Variants in THUMPD3 observed in about 807,000 individuals in gnomAD.
THUMPD3 encodes tRNA (guanine(6)-N(2))-methyltransferase THUMP3.
THUMPD3 carries 44 observed loss-of-function variants against 54.5 expected under a neutral mutation model. The observed-to-expected ratio is 0.81, with a 90% confidence interval of 0.63 to 1.04. The LOEUF (loss-of-function observed/expected upper bound fraction) is 1.04. THUMPD3 is among the 50% of genes least tolerant of loss of function. The pLI is 0.00. For synonymous variants in THUMPD3, 196 were observed against 201.4 expected (o/e 0.97, Z 0.23); for missense variants, 604 against 601.3 (o/e 1.00, Z -0.05).
At position 9,370,837 on chromosome 3, in the gene THUMPD3, T is replaced by C. The variant is rs2031976714; in HGVS notation, c.331-223T>C. On this transcript the variant is annotated intron_variant, in intron 3 of 9. Transcript: ENST00000452837. ...ATTGTATCAGGTATCATAGGTAAGA[T>C]AGAGATGATTTAAGTTACTCTTGAG... 2.6e-5 allele frequency among the ~76,000 whole-genome samples: 4 copies of C among 152,236 alleles called. No homozygotes were observed. The South Asian group carries it at 6.2e-4, about 24-fold the overall frequency.
In THUMPD3 at chr3:9,386,376, CCCCCCCA is replaced by C. The variant is rs1349039444; in HGVS notation, c.*1697_*1703del. On this transcript the variant is annotated 3_prime_UTR_variant, in exon 10 of 10. Coordinates refer to ENST00000452837, the MANE Select transcript of THUMPD3 (RefSeq NM_001114092.2). ...GTTTTCACCACGATGTCTTTCCCCA[CCCCCCCA>C]CCCCCCACTCCACCCCCCACTAAGG... 7.9e-6 allele frequency: 1 copy of C among 127,248 alleles called. No homozygotes were observed. Among genetic ancestry groups the C allele is most frequent in the African/African-American group, 2.8e-5 (1 of 35,266 alleles). 7.9% of individuals were successfully genotyped at this position (127,248 alleles called of 1,614,324 possible). A position where few individuals can be genotyped will look rare whatever the true frequency, so the allele number is the denominator to read the frequency against.
intron 3 of THUMPD3, among the ~76,000 whole-genome samples, chr3:9,369,038 A>G (rs2031803714): frequency 6.6e-6 from 1 of 152,030 alleles, no homozygotes. Flanking sequence ...TGGGTTGGGC[A>G]TGGTGGCTCA....
intron 1 of THUMPD3, among the ~76,000 whole-genome samples, chr3:9,364,657 T>A (rs533013725): frequency 6.6e-6 from 1 of 152,360 alleles, no homozygotes; most frequent in African/African-American, 2.4e-5. Context: ...AAGCCCTATA[T>A]TCTTAACTAA....
At chr3:9,367,629 T>C (rs1341144065) in intron 3 of THUMPD3, among the ~76,000 whole-genome samples, 1 of 152,222 alleles carries the variant, frequency 6.6e-6, no homozygotes, top group Non-Finnish European at 1.5e-5. Context: ...AAATAATCTT[T>C]TTAAAAACAA....
chr3:9,370,572 G>A (rs1575060562), intron 3 of THUMPD3, among the ~76,000 whole-genome samples: 1 of 152,200 alleles, frequency 6.6e-6, no homozygotes, highest in African/African-American at 2.4e-5. Flanking sequence ...AGCTTCCTGA[G>A]TAGCTGGGAC....
At chr3:9,366,358 CTG>C (rs2031566477) in intron 2 of THUMPD3, among the ~76,000 whole-genome samples, 2 of 152,120 alleles carry the variant, frequency 1.3e-5, no homozygotes, top group Non-Finnish European at 2.9e-5. Context: ...CTCTTAGTGT[CTG>C]GCATATAGTA....
intron 3 of THUMPD3, among the ~76,000 whole-genome samples, chr3:9,369,509 A>T (rs1334255649): frequency 6.6e-6 from 1 of 152,158 alleles, no homozygotes; most frequent in African/African-American, 2.4e-5. Context: ...TCACTATCTC[A>T]GCTACCTGTG....
chr3:9,381,318 T>C (rs1449005034), intron 7 of THUMPD3, among the ~76,000 whole-genome samples: 1 of 152,196 alleles, frequency 6.6e-6, no homozygotes, highest in African/African-American at 2.4e-5. Flanking sequence ...TACTAAGTCA[T>C]TGGTTATATA....
chr3:9,381,812 CT>C (rs1417760507), intron 7 of THUMPD3, among the ~76,000 whole-genome samples: 1 of 116,900 alleles, frequency 8.6e-6, no homozygotes, highest in Admixed American at 1.0e-4. Context: ...CGGAGTCTCA[CT>C]CTGTCGCCCA....
chr3:9,372,909 C>A (rs2032173405), intron 4 of THUMPD3, among the ~76,000 whole-genome samples: 1 of 152,116 alleles, frequency 6.6e-6, no homozygotes, highest in Admixed American at 6.6e-5. Context: ...CTTTTTTGTG[C>A]ATGTCAAATC....
intron 3 of THUMPD3, among the ~76,000 whole-genome samples, chr3:9,369,666 T>C (rs1014189765): frequency 2.6e-5 from 4 of 152,234 alleles, no homozygotes; most frequent in Non-Finnish European, 5.9e-5. Flanking sequence ...GTATAATAAT[T>C]TAACCAGTCC....
In THUMPD3 at chr3:9,385,686, A is replaced by G. The variant is rs1186687060; in HGVS notation, c.*998A>G. ...GGACCAACAAACCAAATTAAAAGAA[A>G]TTGTTTTTCTTTCAGTACACTAAGG... On this transcript the variant is annotated 3_prime_UTR_variant, in exon 10 of 10. Coordinates refer to ENST00000452837, the MANE Select transcript of THUMPD3 (RefSeq NM_001114092.2). 6.6e-6 allele frequency: 1 copy of G among 152,260 alleles called. No individual in the cohort carries two copies. 9.4% of individuals were successfully genotyped at this position (152,260 alleles called of 1,614,324 possible). A position where few individuals can be genotyped will look rare whatever the true frequency, so the allele number is the denominator to read the frequency against.
Position 9,374,952 on chromosome 3 carries a change from G to A in THUMPD3, c.938+306G>A, listed in dbSNP as rs537900292. ...CAGCTCACTGTAACCTCTGCCTCCCGGGTTCAAGCGATTCTCCTGTCTCAG... is the reference window on the plus strand; with the variant it reads ...CAGCTCACTGTAACCTCTGCCTCCCAGGTTCAAGCGATTCTCCTGTCTCAG... On this transcript the variant is annotated intron_variant, in intron 5 of 9. Transcript: ENST00000452837. 6.6e-5 allele frequency among the ~76,000 whole-genome samples: 10 copies of A among 152,178 alleles called. No homozygotes were observed. In the South Asian group the frequency reaches 1.5e-3, roughly 22 times the overall value.
Position 9,386,461 on chromosome 3 carries a change from C to T in THUMPD3, c.*1773C>T, listed in dbSNP as rs1317753211. 1.4e-5 allele frequency: 2 copies of T among 143,876 alleles called. No homozygotes were observed. The highest frequency in any genetic ancestry group is 5.2e-5 in the African/African-American group (2 of 38,778). The allele number at this position is 143,876 out of a possible 1,614,324, so 8.9% of individuals were successfully genotyped here. A position where few individuals can be genotyped will look rare whatever the true frequency, so the allele number is the denominator to read the frequency against. ...TATTTGTTGAACAAGCGAGTATTTTCGCCTATTAGCTTAGTTTTTAAGGAA... is the reference window on the plus strand; with the variant it reads ...TATTTGTTGAACAAGCGAGTATTTTTGCCTATTAGCTTAGTTTTTAAGGAA... On this transcript the variant is annotated 3_prime_UTR_variant, in exon 10 of 10. Transcript: ENST00000452837.
Position 9,375,966 on chromosome 3 carries a change from C to A in THUMPD3, c.938+1320C>A, listed in dbSNP as rs565507537. On this transcript the variant is annotated intron_variant, in intron 5 of 9. Coordinates refer to ENST00000452837, the MANE Select transcript of THUMPD3 (RefSeq NM_001114092.2). ...TGCAGTACACGACTGTATTCCTTCT[C>A]TTCCAATCTTTTATCTTCCTAACAT... 7.9e-5 allele frequency among the ~76,000 whole-genome samples: 12 copies of A among 152,322 alleles called. No homozygotes were observed. In the South Asian group the frequency reaches 2.5e-3, roughly 32 times the overall value.
At chr3:9,377,390 A>C (rs1044224668) in intron 5 of THUMPD3, among the ~76,000 whole-genome samples, 7 of 151,908 alleles carry the variant, frequency 4.6e-5, no homozygotes, top group African/African-American at 1.7e-4. Context: ...TTATTTATTT[A>C]TTTTTGAGAC....
intron 4 of THUMPD3, among the ~76,000 whole-genome samples, chr3:9,373,478 G>C (rs1009460641): frequency 6.6e-6 from 1 of 151,734 alleles, no homozygotes; most frequent in Non-Finnish European, 1.5e-5. Context: ...CTGGGCGACA[G>C]AGTGAGACCC....
At chr3:9,364,798 G>A (rs2031372722) in intron 1 of THUMPD3, among the ~76,000 whole-genome samples, 2 of 152,228 alleles carry the variant, frequency 1.3e-5, no homozygotes, top group Admixed American at 1.3e-4. Context: ...AATACTTCTT[G>A]TCTCTTTTTC....
intron 3 of THUMPD3, among the ~76,000 whole-genome samples, chr3:9,367,983 T>A (rs1021254946): frequency 6.6e-6 from 1 of 151,846 alleles, no homozygotes; most frequent in African/African-American, 2.4e-5. Flanking sequence ...GAGAATGGCG[T>A]GAACCCGGGA....
Sources: gnomAD v4.1 joint callset for allele counts (sites outside exome capture counted in the v4.1 genomes callset) on GRCh38, gnomAD v4.1.1 for gene constraint, MANE v1.5 for transcripts, NCBI Gene and HGNC (gene_info 2026-07-23, HGNC 2026-07-21) for gene names.